The following MRPL39 variants were observed in gnomAD, a reference collection of about 807,000 sequenced individuals.
MRPL39 encodes large ribosomal subunit protein mL39.
MRPL39 carries 35 observed loss-of-function variants against 44.5 expected under a neutral mutation model. The observed-to-expected ratio is 0.79, with a 90% CI of 0.60 to 1.04. The LOEUF (loss-of-function observed/expected upper bound fraction) is 1.04. Among genes scored for constraint, MRPL39 ranks in the 50% least tolerant of loss-of-function variants. The pLI, the probability that MRPL39 is intolerant of heterozygous loss-of-function variation, is 0.00. For synonymous variants in MRPL39, 139 were observed against 136.1 expected, an observed-to-expected ratio of 1.02 and a Z score of -0.15; for missense variants, 433 against 413.5, an observed-to-expected ratio of 1.05 and a Z score of -0.41.
chr21:25,607,518 C>T (rs753499545), upstream of MRPL39: 15 of 1,597,314 alleles, frequency 9.4e-6, no homozygotes, highest in Admixed American at 2.4e-4. Context: ...TCTCCGCCCT[C>T]CTCCCCCGGA....
chr21:25,592,733 C>A, intron 8 of MRPL39, 79 bp downstream of exon 8: 1 of 1,087,878 alleles, frequency 9.2e-7, no homozygotes, highest in African/African-American at 1.6e-5. Flanking sequence ...AGTTTATATT[C>A]TTCAAACTGG....
At chr21:25,596,749 G>A (rs1212800699) in intron 6 of MRPL39, among the ~76,000 whole-genome samples, 2 of 151,722 alleles carry the variant, frequency 1.3e-5, no homozygotes, top group African/African-American at 4.8e-5. Context: ...TTAAAATTTA[G>A]CTCATGTTCT....
chr21:25,586,596 C>T (rs543498612), intron 9 of MRPL39, among the ~76,000 whole-genome samples: 5 of 152,282 alleles, frequency 3.3e-5, no homozygotes, highest in Admixed American at 2.6e-4. Flanking sequence ...TTCCACAACA[C>T]GGGACACAAG....
At chr21:25,589,205 T>C (rs992101378) in intron 8 of MRPL39, among the ~76,000 whole-genome samples, 6 of 152,156 alleles carry the variant, frequency 3.9e-5, no homozygotes, top group Non-Finnish European at 8.8e-5. Context: ...TTTCTTCTAA[T>C]AGGAAGCAAA....
chr21:25,591,541 T>C (rs909537052), intron 8 of MRPL39, among the ~76,000 whole-genome samples: 2 of 152,060 alleles, frequency 1.3e-5, no homozygotes, highest in African/African-American at 4.8e-5. Context: ...CCAATGAAGA[T>C]ATACAGATGG....
intron 8 of MRPL39, among the ~76,000 whole-genome samples, chr21:25,589,421 AT>A (rs3989368): frequency 0.078 from 11,533 of 148,610 alleles, 732 homozygotes; most frequent in East Asian, 0.35. Context: ...ACAATAGTAA[AT>A]TTTTTTTTTT....
intron 5 of MRPL39, among the ~76,000 whole-genome samples, chr21:25,598,452 A>AAGAGAG (rs56970945): frequency 7.5e-5 from 11 of 146,346 alleles, no homozygotes; most frequent in Admixed American, 1.4e-4. Context: ...AAAAAAAAAA[A>AAGAGAG]AGAGAGAGAA....
At chr21:25,597,516 T>A (rs2123242353) in intron 5 of MRPL39, 102 bp from the exon 6 acceptor site, 1 of 582,376 alleles carries the variant, frequency 1.7e-6, no homozygotes, top group Non-Finnish European at 2.9e-6. Flanking sequence ...CAAATCCAAC[T>A]AAAATAAAAG....
At position 25,607,422 on chromosome 21, in the gene MRPL39, G is replaced by A. The variant is rs768915492; in HGVS notation, c.54C>T (p.Pro18=). Residue 18 remains proline (P), a synonymous_variant, in exon 1 of 10, where the codon CCC becomes CCT. Coordinates refer to ENST00000352957, the MANE Select transcript of MRPL39 (RefSeq NM_017446.4). ...SRALRLWLVA[P]GGGIKWRFIA... ...ACTCACTCCATTTGATCCCGCCACC[G>A]GGTGCGACCAGCCAGAGCCGCAGCG... 7 of 1,613,372 alleles carry A rather than the reference G, an allele frequency of 4.3e-6. No homozygotes were observed. Among genetic ancestry groups the A allele is most frequent in the South Asian group, 3.3e-5 (3 of 91,064 alleles).
At chr21:25,601,323 C>T (rs2031514895) in intron 4 of MRPL39, 45 bp downstream of exon 4, 3 of 1,328,096 alleles carry the variant, frequency 2.3e-6, no homozygotes, top group South Asian at 2.6e-5. Context: ...AAAATAGGTA[C>T]CAAAATATTT....
chr21:25,590,634 T>C (rs2031144808), intron 8 of MRPL39, among the ~76,000 whole-genome samples: 1 of 151,918 alleles, frequency 6.6e-6, no homozygotes, highest in East Asian at 1.9e-4. Context: ...TGAAAGAAGA[T>C]ATAAATAAAT....
intron 2 of MRPL39, among the ~76,000 whole-genome samples, chr21:25,605,105 T>C (rs909956654): frequency 2.0e-5 from 3 of 152,244 alleles, no homozygotes; most frequent in African/African-American, 4.8e-5. Flanking sequence ...AGAGTGAGTG[T>C]AGACTCTCTA....
chr21:25,588,346 C>T (rs2031069613), intron 9 of MRPL39, among the ~76,000 whole-genome samples: 1 of 152,128 alleles, frequency 6.6e-6, no homozygotes, highest in Admixed American at 6.5e-5. Flanking sequence ...ATCATTCCTA[C>T]TCATTAAGTC....
intron 8 of MRPL39, 135 bp downstream of exon 8, chr21:25,592,677 C>T (rs4527290): frequency 2.6e-5 from 16 of 615,684 alleles, no homozygotes; most frequent in East Asian, 6.4e-5. Flanking sequence ...AATCATAAAC[C>T]TGAGTTTATA....
intron 3 of MRPL39, among the ~76,000 whole-genome samples, chr21:25,601,750 A>G (rs143529382): frequency 6.6e-6 from 1 of 152,268 alleles, no homozygotes; most frequent in African/African-American, 2.4e-5. Context: ...TTATTACCTG[A>G]AAGTATTTAT....
chr21:25,607,588 T>A, upstream of MRPL39: 5 of 1,063,636 alleles, frequency 4.7e-6, no homozygotes, highest in South Asian at 7.9e-5. Flanking sequence ...GCACTCAGAC[T>A]GCTCGCCTCC....
intron 2 of MRPL39, among the ~76,000 whole-genome samples, chr21:25,604,927 T>C (rs2031620580): frequency 6.6e-6 from 1 of 152,238 alleles, no homozygotes; most frequent in South Asian, 2.1e-4. Context: ...TTCAGAAGCT[T>C]CATCACTACA....
rs777861004 is a variant in MRPL39, at chr21:25,593,908, A to G, written c.752T>C (p.Ile251Thr). The G allele has an allele frequency of 2.5e-6, 4 of 1,613,688 alleles. No individual in the cohort carries two copies. Among genetic ancestry groups the G allele is most frequent in the Non-Finnish European group, 3.4e-6 (4 of 1,179,820 alleles). ...EEKASQNPER[I>T]VKLHRIGDFI... ...TTTTACTTACCTGTGTAGCTTGACTATTCTCTCAGGGTTCTGAGATGCCTT... is the reference window on the plus strand; with the variant it reads ...TTTTACTTACCTGTGTAGCTTGACTGTTCTCTCAGGGTTCTGAGATGCCTT... Residue 251 changes from isoleucine (I) to threonine (T), a missense_variant, in exon 7 of 10, where the codon ATA becomes ACA. Ile to Thr is a moderately conservative substitution (Grantham distance 89). Coordinates refer to ENST00000352957, the MANE Select transcript of MRPL39 (RefSeq NM_017446.4).
intron 4 of MRPL39, among the ~76,000 whole-genome samples, chr21:25,600,568 A>C (rs2031491829): frequency 1.6e-5 from 1 of 62,622 alleles, no homozygotes. Context: ...AGGTATATCT[A>C]CTTCTTTAAA....
Sources: allele counts gnomAD v4.1 joint callset (sites outside exome capture counted in the v4.1 genomes callset), GRCh38; gene constraint gnomAD v4.1.1; transcripts MANE v1.5; gene names NCBI Gene and HGNC (gene_info 2026-07-23, HGNC 2026-07-21).